Variants in ABLIM1 observed in about 807,000 individuals in gnomAD.
ABLIM1 encodes the protein actin binding LIM protein 1.
A neutral mutation model predicts 107.0 loss-of-function variants in ABLIM1; 40 were observed. That is an observed-to-expected ratio of 0.37 (90% CI 0.29 to 0.49). The LOEUF is 0.49. Ranked by LOEUF, ABLIM1 falls within the 20% of genes least tolerant of loss-of-function variation. ABLIM1 has a pLI of 0.97. For synonymous variants in ABLIM1, 357 were observed against 357.3 expected (o/e 1.00, Z 0.01); for missense variants, 857 against 1,008.5 (o/e 0.85, Z 2.04).
At chr10:114,528,803 A>G (rs1474787584) in intron 6 of ABLIM1, among the ~76,000 whole-genome samples, 1 of 152,232 alleles carries the variant, frequency 6.6e-6, no homozygotes, top group East Asian at 1.9e-4. Flanking sequence ...TAAGTGCACA[A>G]TACAGTATTG....
At position 114,658,240 on chromosome 10, in the gene ABLIM1, G is replaced by A. The variant is rs1308856003; in HGVS notation, c.-40C>T. ...CCAAGCAATGAGAAATGGGGAGTGG[G>A]GACCCAAGGAGCGGTGCTGCCCCAC... On this transcript the variant is annotated 5_prime_UTR_variant, in exon 1 of 23. Transcript: ENST00000533213. 5 of 1,576,570 alleles carry A rather than the reference G, an allele frequency of 3.2e-6. No individual in the cohort carries two copies. The highest frequency in any genetic ancestry group is 1.7e-5 in the Admixed American group (1 of 57,942).
intron 1 of ABLIM1, among the ~76,000 whole-genome samples, chr10:114,714,470 G>A (rs78645718): frequency 5.9e-5 from 9 of 152,208 alleles, no homozygotes; most frequent in Non-Finnish European, 8.8e-5. Flanking sequence ...ATCTTAAGTT[G>A]AAAGCCGCAC....
chr10:114,691,278 C>T (rs543271585), intron 1 of ABLIM1, among the ~76,000 whole-genome samples: 1 of 152,300 alleles, frequency 6.6e-6, no homozygotes, highest in East Asian at 1.9e-4. Context: ...TGAAAGAATA[C>T]ACGTGGATGC....
At chr10:114,634,129 C>CTTTTTTTTTTTT (rs745875295) in intron 1 of ABLIM1, among the ~76,000 whole-genome samples, 1,315 of 68,234 alleles carry the variant, frequency 0.019, 254 homozygotes, top group East Asian at 0.046. Context: ...CTCAATTTTT[C>CTTTTTTTTTTTT]TTTTTTTTTT....
chr10:114,798,577 A>C, the ABLIM1 span, among the ~76,000 whole-genome samples: 1 of 142,544 alleles, frequency 7.0e-6, no homozygotes, highest in East Asian at 2.0e-4. Context: ...ATGTCTACAA[A>C]AATTTAAAAA....
At chr10:114,611,178 G>A (rs2076785571) in intron 1 of ABLIM1, among the ~76,000 whole-genome samples, 1 of 151,430 alleles carries the variant, frequency 6.6e-6, no homozygotes, top group South Asian at 2.1e-4. Context: ...TAGATACCCT[G>A]ATACTTGGCT....
intron 1 of ABLIM1, among the ~76,000 whole-genome samples, chr10:114,603,952 T>TAAA (rs2076227953): frequency 4.8e-5 from 2 of 42,038 alleles, no homozygotes; most frequent in Admixed American, 2.7e-4. Context: ...AGACTTTGTC[T>TAAA]CAAAAAAAAA....
At chr10:114,724,345 G>A (rs912474702) in intron 1 of ABLIM1, among the ~76,000 whole-genome samples, 2 of 152,070 alleles carry the variant, frequency 1.3e-5, no homozygotes. Flanking sequence ...ATGAAAGTAT[G>A]AGCAAGACTA....
chr10:114,449,205 A>G (rs565403159), intron 14 of ABLIM1, among the ~76,000 whole-genome samples: 43 of 152,370 alleles, frequency 2.8e-4, no homozygotes, highest in African/African-American at 9.1e-4. Flanking sequence ...GGAGCAAAAC[A>G]AACCAGGTTA....
intron 2 of ABLIM1, among the ~76,000 whole-genome samples, chr10:114,595,740 C>G (rs1220694630): frequency 6.6e-6 from 1 of 152,208 alleles, no homozygotes; most frequent in Non-Finnish European, 1.5e-5. Context: ...CACCCGGGTA[C>G]ATTTTCTGAG....
At chr10:114,752,963 A>C (rs1042109843) in intron 1 of ABLIM1, among the ~76,000 whole-genome samples, 15 of 152,210 alleles carry the variant, frequency 9.9e-5, no homozygotes. Context: ...AAGAATAAAT[A>C]ATCCAGCCTT....
At chr10:114,787,889 G>T in the ABLIM1 span, among the ~76,000 whole-genome samples, 3 of 147,280 alleles carry the variant, frequency 2.0e-5, no homozygotes, top group Non-Finnish European at 4.5e-5. Flanking sequence ...GAATAGAAAG[G>T]GGGGAAAGGT....
chr10:114,684,231 A>G (rs1416235369), intron 1 of ABLIM1: 6 of 1,542,478 alleles, frequency 3.9e-6, no homozygotes, highest in African/African-American at 1.4e-5. Flanking sequence ...CCTCATCTTT[A>G]AAGACACGGT....
chr10:114,713,411 C>T (rs996503864), intron 1 of ABLIM1, among the ~76,000 whole-genome samples: 4 of 152,144 alleles, frequency 2.6e-5, no homozygotes, highest in Non-Finnish European at 4.4e-5. Context: ...TTTAAGTTCA[C>T]AGTAGTAAGA....
intron 6 of ABLIM1, among the ~76,000 whole-genome samples, chr10:114,521,655 C>T (rs1318261385): frequency 1.3e-5 from 2 of 152,116 alleles, no homozygotes; most frequent in Non-Finnish European, 1.5e-5. Flanking sequence ...CAACCCCCCT[C>T]CTTTCCCCGC....
intron 1 of ABLIM1, among the ~76,000 whole-genome samples, chr10:114,735,476 T>C (rs887197728): frequency 7.3e-6 from 1 of 136,114 alleles, no homozygotes; most frequent in Non-Finnish European, 1.6e-5. Context: ...GGTTTTGCTG[T>C]TGTTGTTGTT....
the ABLIM1 span, among the ~76,000 whole-genome samples, chr10:114,782,010 A>G: frequency 2.9e-4 from 44 of 152,134 alleles, no homozygotes; most frequent in African/African-American, 1.0e-3. Context: ...TTACTAGTAT[A>G]TTCTTAATAA....
intron 13 of ABLIM1, among the ~76,000 whole-genome samples, chr10:114,452,666 C>A (rs148979100): frequency 6.6e-6 from 1 of 152,254 alleles, no homozygotes; most frequent in African/African-American, 2.4e-5. Flanking sequence ...AGTATTATTA[C>A]CTCTGATGGC....
At chr10:114,788,793 G>T in the ABLIM1 span, among the ~76,000 whole-genome samples, 1 of 152,016 alleles carries the variant, frequency 6.6e-6, no homozygotes, top group African/African-American at 2.4e-5. Flanking sequence ...TAAAATACAG[G>T]AGGCTCACGT....
Sources: gnomAD v4.1 joint callset for allele counts (sites outside exome capture counted in the v4.1 genomes callset) on GRCh38, gnomAD v4.1.1 for gene constraint, MANE v1.5 for transcripts, NCBI Gene and HGNC (gene_info 2026-07-23, HGNC 2026-07-21) for gene names.